DNAH8: variants seen among roughly 807,000 people sequenced by gnomAD.
DNAH8 encodes dynein axonemal heavy chain 8.
In DNAH8, 382 loss-of-function variants were observed where a neutral mutation model predicts 562.1. The observed-to-expected ratio is 0.68, with a 90% CI of 0.63 to 0.74. The LOEUF (loss-of-function observed/expected upper bound fraction) is 0.74. Among genes scored for constraint, DNAH8 ranks in the 30% least tolerant of loss-of-function variants. DNAH8 has a pLI of 0.00. For synonymous variants in DNAH8, 1,881 were observed against 1,919.4 expected, an observed-to-expected ratio of 0.98 and a Z score of 0.52; for missense variants, 5,203 against 5,620.4, an observed-to-expected ratio of 0.93 and a Z score of 2.37.
intron 26 of DNAH8, 75 bp downstream of exon 26, chr6:38,815,732 TTA>T: frequency 7.6e-7 from 1 of 1,312,558 alleles, no homozygotes; most frequent in Non-Finnish European, 1.0e-6. Context: ...TTAAATTATT[TTA>T]TATGTTTGAT....
chr6:38,933,174 G>A (rs963827562), intron 76 of DNAH8, among the ~76,000 whole-genome samples: 3 of 151,920 alleles, frequency 2.0e-5, no homozygotes, highest in South Asian at 2.1e-4. Context: ...ATGATTCCTC[G>A]CTGGTCTAGA....
chr6:38,735,331 C>T (rs910700659), intron 5 of DNAH8, among the ~76,000 whole-genome samples: 1 of 152,064 alleles, frequency 6.6e-6, no homozygotes, highest in African/African-American at 2.4e-5. Flanking sequence ...TAATCTTGTT[C>T]CTTTTCTGTT....
chr6:38,947,871 C>A (rs1761560230), intron 80 of DNAH8, among the ~76,000 whole-genome samples: 1 of 152,074 alleles, frequency 6.6e-6, no homozygotes, highest in Admixed American at 6.5e-5. Flanking sequence ...TCTCAGTCTC[C>A]TGAGTAGCTA....
At chr6:38,927,717 TG>T (rs1782226774) in intron 74 of DNAH8, among the ~76,000 whole-genome samples, 2 of 152,182 alleles carry the variant, frequency 1.3e-5, no homozygotes, top group African/African-American at 4.8e-5. Flanking sequence ...TGCATGCTCC[TG>T]TATCACTTGG....
chr6:38,994,406 C>A (rs943429720), intron 88 of DNAH8, among the ~76,000 whole-genome samples: 5 of 151,402 alleles, frequency 3.3e-5, no homozygotes, highest in African/African-American at 1.2e-4. Context: ...AAATTTATGA[C>A]TACATAAATT....
intron 66 of DNAH8, among the ~76,000 whole-genome samples, chr6:38,913,620 T>C (rs746860738): frequency 2.6e-5 from 4 of 152,216 alleles, no homozygotes; most frequent in Non-Finnish European, 4.4e-5. Context: ...TAAATGTAGC[T>C]ACGTGATATT....
intron 72 of DNAH8, among the ~76,000 whole-genome samples, 181 bp from the exon 73 acceptor site, chr6:38,923,810 C>T (rs1247496484): frequency 6.6e-6 from 1 of 152,106 alleles, no homozygotes; most frequent in Non-Finnish European, 1.5e-5. Flanking sequence ...CATGTGGCCA[C>T]TCCTACCCAC....
Position 38,842,485 on chromosome 6 carries a change from A to G in DNAH8, c.4584A>G (p.Glu1528=). ...TAGATATTGAAAAAATTAATGCAGA[A>G]CTGCTGGAATTTCAAAACAGGTGAG... The part of the protein sequence containing the change: ...GDVDIEKINA[E]LLEFQNRCRK... The change falls in exon 34 of 93, where the codon GAA becomes GAG. Residue 1528 remains glutamate (E), a synonymous_variant. Coordinates refer to ENST00000327475, the MANE Select transcript of DNAH8 (RefSeq NM_001206927.2). 6.2e-7 allele frequency: 1 copy of G among 1,612,126 alleles called. No homozygotes were observed. The highest frequency in any genetic ancestry group is 1.3e-5 in the African/African-American group (1 of 74,954).
Position 38,924,279 on chromosome 6 carries a change from G to A in DNAH8, c.10962+117G>A. 4 of 932,286 alleles carry A rather than the reference G, an allele frequency of 4.3e-6. No individual in the cohort carries two copies. The South Asian group carries it at 6.4e-5, about 15-fold the overall frequency. The allele number at this position is 932,286 out of a possible 1,614,324, so 57.8% of individuals were successfully genotyped here. A position where few individuals can be genotyped will look rare whatever the true frequency, so the allele number is the denominator to read the frequency against. The stretch of plus-strand genomic sequence containing the variant: ...TGTAATCCCAGCACTTTGGGAGGCT[G>A]AGGAGGGCAGATCATGAGGTCAGGA... On this transcript the variant is annotated intron_variant, in intron 73 of 92. Transcript: ENST00000327475.
chr6:38,984,363 T>G, intron 87 of DNAH8, 56 bp downstream of exon 87: 1 of 1,221,744 alleles, frequency 8.2e-7, no homozygotes, highest in South Asian at 1.2e-5. Context: ...ATTTTCCAAT[T>G]TTTTTGTTTG....
chr6:38,986,224 A>G (rs1257385560), intron 87 of DNAH8, among the ~76,000 whole-genome samples: 2 of 152,184 alleles, frequency 1.3e-5, no homozygotes, highest in African/African-American at 4.8e-5. Flanking sequence ...ATCATGGGGA[A>G]ATAGTTAAGT....
chr6:39,000,314 C>T (rs1224812094), intron 88 of DNAH8, among the ~76,000 whole-genome samples: 1 of 152,118 alleles, frequency 6.6e-6, no homozygotes, highest in East Asian at 1.9e-4. Context: ...CAATCAATTC[C>T]AATTTAGGGA....
chr6:38,752,392 G>A (rs182721529), intron 9 of DNAH8, among the ~76,000 whole-genome samples: 1 of 152,338 alleles, frequency 6.6e-6, no homozygotes, highest in East Asian at 1.9e-4. Flanking sequence ...TCAAACTCCC[G>A]ACCTCAAGTG....
chr6:38,797,696 A>G (rs1002638144), intron 21 of DNAH8, among the ~76,000 whole-genome samples: 7 of 152,182 alleles, frequency 4.6e-5, no homozygotes. Flanking sequence ...TTTCCTCAAG[A>G]TCTAAGACAT....
At chr6:38,941,879 T>G (rs1409489980) in intron 79 of DNAH8, among the ~76,000 whole-genome samples, 3 of 152,160 alleles carry the variant, frequency 2.0e-5, no homozygotes, top group Non-Finnish European at 4.4e-5. Flanking sequence ...CCCTCAAACT[T>G]CATCTGTTGA....
chr6:38,934,946 G>A lies in DNAH8; in HGVS notation c.11458-646G>A, dbSNP rs191364058. On this transcript the variant is annotated intron_variant, in intron 76 of 92. Coordinates refer to ENST00000327475, the MANE Select transcript of DNAH8 (RefSeq NM_001206927.2). ...GGCTATATGAAAGTTCCTTGTATTA[G>A]GCTTGCAACTTTTTGAATGCTTGAA... Among the ~76,000 whole-genome samples, 879 of 152,192 alleles carry A rather than the reference G, an allele frequency of 5.8e-3. 3 individuals carry two copies. Among genetic ancestry groups the A allele is most frequent in the Non-Finnish European group, 9.4e-3 (638 of 67,994 alleles).
intron 76 of DNAH8, among the ~76,000 whole-genome samples, chr6:38,933,769 A>G (rs1358564975): frequency 1.3e-5 from 2 of 152,228 alleles, no homozygotes; most frequent in Non-Finnish European, 2.9e-5. Context: ...CAAGGGTATT[A>G]GGCTGTTTTA....
chr6:38,788,353 T>C (rs955473021), intron 18 of DNAH8, among the ~76,000 whole-genome samples: 1 of 152,168 alleles, frequency 6.6e-6, no homozygotes, highest in Admixed American at 6.5e-5. Flanking sequence ...GGTTTCACCA[T>C]GTTGGCCAGG....
At chr6:38,801,162 A>G (rs533559342) in intron 21 of DNAH8, among the ~76,000 whole-genome samples, 1 of 152,134 alleles carries the variant, frequency 6.6e-6, no homozygotes, top group African/African-American at 2.4e-5. Context: ...TTTTCCTCTA[A>G]GAGTTTTTTT....
Sources: gnomAD v4.1 joint callset for allele counts (sites outside exome capture counted in the v4.1 genomes callset) on GRCh38, gnomAD v4.1.1 for gene constraint, MANE v1.5 for transcripts, NCBI Gene and HGNC (gene_info 2026-07-23, HGNC 2026-07-21) for gene names.